RBFOX1: variants seen among roughly 807,000 people sequenced by gnomAD.
The protein encoded by RBFOX1 is RNA binding protein fox-1 homolog 1.
Under a neutral mutation model 57.7 loss-of-function variants are expected in RBFOX1, and 8 were observed. That is an observed-to-expected ratio of 0.14 (90% CI 0.08 to 0.25). The LOEUF (loss-of-function observed/expected upper bound fraction) is 0.25. Ranked by LOEUF, RBFOX1 falls within the 10% of genes least tolerant of loss-of-function variation. RBFOX1 has a pLI of 1.00. For synonymous variants in RBFOX1, 326 were observed against 222.4 expected (o/e 1.47, Z -4.15); for missense variants, 611 against 548.5 (o/e 1.11, Z -1.14).
intron 2 of RBFOX1, among the ~76,000 whole-genome samples, chr16:6,403,489 C>T (rs2093159196): frequency 6.6e-6 from 1 of 152,010 alleles, no homozygotes; most frequent in South Asian, 2.1e-4. Flanking sequence ...TGAACCTCCC[C>T]AGTAGCTGGG....
chr16:7,315,166 T>A (rs2096408600), intron 4 of RBFOX1, among the ~76,000 whole-genome samples: 1 of 151,948 alleles, frequency 6.6e-6, no homozygotes, highest in Non-Finnish European at 1.5e-5. Flanking sequence ...TTGTGTGTGG[T>A]GATATTTCTT....
At chr16:6,865,209 G>T (rs566171948) in intron 3 of RBFOX1, among the ~76,000 whole-genome samples, 1 of 151,812 alleles carries the variant, frequency 6.6e-6, no homozygotes, top group Admixed American at 6.6e-5. Flanking sequence ...TGCCATGTTG[G>T]CCAGGCTGGT....
At chr16:6,808,711 C>T (rs906758601) in intron 3 of RBFOX1, among the ~76,000 whole-genome samples, 1 of 151,982 alleles carries the variant, frequency 6.6e-6, no homozygotes, top group Non-Finnish European at 1.5e-5. Context: ...CCAACCTCTG[C>T]CCCCAGGTAA....
intron 4 of RBFOX1, among the ~76,000 whole-genome samples, chr16:7,290,788 C>G (rs1218132896): frequency 6.6e-6 from 1 of 152,152 alleles, no homozygotes; most frequent in South Asian, 2.1e-4. Context: ...AAGGAACTCA[C>G]CATTAACACT....
At chr16:7,346,773 C>T (rs1238686188) in intron 4 of RBFOX1, among the ~76,000 whole-genome samples, 1 of 152,024 alleles carries the variant, frequency 6.6e-6, no homozygotes, top group East Asian at 1.9e-4. Context: ...TTCATGAGAC[C>T]CATACGATCA....
In RBFOX1 at chr16:6,909,816, C is replaced by G. The variant is rs564610175; in HGVS notation, c.-15-142241C>G. Reference sequence around the variant, plus strand: ...CTGCAGCCATCGGTCTTCTGTTGATCTAAAGCAAGGTGTGCAGTTGGGGGT... The same window carrying G: ...CTGCAGCCATCGGTCTTCTGTTGATGTAAAGCAAGGTGTGCAGTTGGGGGT... On this transcript the variant is annotated intron_variant, in intron 3 of 15. Coordinates refer to ENST00000550418, the MANE Select transcript of RBFOX1 (RefSeq NM_018723.4). Among the ~76,000 whole-genome samples, 201 of 152,252 alleles carry G rather than the reference C, an allele frequency of 1.3e-3. 1 individual carries two copies. The highest frequency in any genetic ancestry group is 4.5e-3 in the African/African-American group (186 of 41,554).
At chr16:5,639,336 T>TG (rs1228710535) in intron 3 of RBFOX1, among the ~76,000 whole-genome samples, 1 of 152,220 alleles carries the variant, frequency 6.6e-6, no homozygotes, top group Non-Finnish European at 1.5e-5. Context: ...GCATGGCCCT[T>TG]GGCAACATCT....
chr16:7,386,511 T>C (rs1015757044), intron 4 of RBFOX1, among the ~76,000 whole-genome samples: 3 of 151,996 alleles, frequency 2.0e-5, no homozygotes, highest in Non-Finnish European at 4.4e-5. Context: ...TTGATGAGAA[T>C]GATGGTTTCC....
chr16:7,466,895 T>C (rs533834717), intron 4 of RBFOX1, among the ~76,000 whole-genome samples: 6 of 152,282 alleles, frequency 3.9e-5, no homozygotes, highest in Admixed American at 3.3e-4. Context: ...CCAGGAATGG[T>C]CTCTATGAAT....
intron 1 of RBFOX1, among the ~76,000 whole-genome samples, chr16:5,280,402 T>C (rs1380184172): frequency 6.6e-6 from 1 of 152,212 alleles, no homozygotes; most frequent in Non-Finnish European, 1.5e-5. Context: ...TTTTCTCTTT[T>C]TGTTGTGTCC....
chr16:6,741,358 T>C (rs2072049142), intron 3 of RBFOX1, among the ~76,000 whole-genome samples: 1 of 152,144 alleles, frequency 6.6e-6, no homozygotes, highest in African/African-American at 2.4e-5. Flanking sequence ...AAAAAAATGA[T>C]AAATTAGACT....
At chr16:5,329,326 G>T (rs2064678854) in intron 1 of RBFOX1, among the ~76,000 whole-genome samples, 1 of 152,186 alleles carries the variant, frequency 6.6e-6, no homozygotes, top group East Asian at 1.9e-4. Context: ...GAAGGTGAAG[G>T]GGAAGCAGAC....
At chr16:6,749,710 T>TG (rs2074531609) in intron 3 of RBFOX1, among the ~76,000 whole-genome samples, 2 of 152,190 alleles carry the variant, frequency 1.3e-5, no homozygotes, top group South Asian at 4.1e-4. Flanking sequence ...CCCAAAGAAT[T>TG]GCAGTGCACA....
chr16:7,030,759 A>G (rs1415424377), intron 3 of RBFOX1, among the ~76,000 whole-genome samples: 1 of 152,174 alleles, frequency 6.6e-6, no homozygotes, highest in East Asian at 1.9e-4. Context: ...TATTCAACCC[A>G]TTATACAAAG....
intron 1 of RBFOX1, among the ~76,000 whole-genome samples, chr16:5,357,796 T>C (rs1019076973): frequency 2.0e-5 from 3 of 152,232 alleles, no homozygotes; most frequent in African/African-American, 7.2e-5. Context: ...AATTTCTGTT[T>C]CTTACAACCA....
At chr16:6,034,441 C>G (rs1176588648) in intron 1 of RBFOX1, among the ~76,000 whole-genome samples, 1 of 149,838 alleles carries the variant, frequency 6.7e-6, no homozygotes, top group African/African-American at 2.5e-5. Flanking sequence ...CAAGGTGTGG[C>G]AAGTTCAATG....
At chr16:6,275,960 A>T (rs529142126) in intron 1 of RBFOX1, among the ~76,000 whole-genome samples, 23 of 152,266 alleles carry the variant, frequency 1.5e-4, no homozygotes, top group African/African-American at 5.5e-4. Context: ...TGTATATTGC[A>T]TTGCCTTAAT....
intron 14 of RBFOX1, among the ~76,000 whole-genome samples, chr16:7,705,967 T>C (rs1044713699): frequency 2.0e-5 from 3 of 152,160 alleles, no homozygotes; most frequent in Admixed American, 6.5e-5. Flanking sequence ...GATGACCATA[T>C]AGCTGGTCGT....
chr16:6,844,087 C>T (rs1302726086), intron 3 of RBFOX1, among the ~76,000 whole-genome samples: 1 of 151,988 alleles, frequency 6.6e-6, no homozygotes, highest in African/African-American at 2.4e-5. Context: ...CCAAATCCCT[C>T]TCTGTCTCTA....
Sources: allele counts gnomAD v4.1 joint callset (sites outside exome capture counted in the v4.1 genomes callset), GRCh38; gene constraint gnomAD v4.1.1; transcripts MANE v1.5; gene names NCBI Gene and HGNC (gene_info 2026-07-23, HGNC 2026-07-21).